NHERF4: variants seen among roughly 807,000 people sequenced by gnomAD.
NHERF4 encodes the protein NHERF family PDZ scaffold protein 4.
At chr11:119,187,964 A>C in the NHERF4 span, 18 of 1,573,264 alleles carry the variant, frequency 1.1e-5, no homozygotes, top group Non-Finnish European at 1.6e-5. Flanking sequence ...ACAGCAGGTG[A>C]CCTTGCTGGT....
chr11:119,189,500 C>T, the NHERF4 span: 7 of 1,613,828 alleles, frequency 4.3e-6, no homozygotes, highest in African/African-American at 9.3e-5. The surrounding 1 kb of genome is among the most constrained non-coding windows in gnomAD (Gnocchi z 5.8). Flanking sequence ...TAGAGCACCC[C>T]TGCTTGGTAC....
At chr11:119,187,408 C>T in the NHERF4 span, 1 of 1,613,988 alleles carries the variant, frequency 6.2e-7, no homozygotes, top group East Asian at 2.2e-5. Flanking sequence ...CCGGCCCCGG[C>T]TGTGCCACAT....
chr11:119,189,588 C>A, the NHERF4 span: 1 of 1,356,574 alleles, frequency 7.4e-7, no homozygotes, highest in Non-Finnish European at 1.1e-6. The surrounding 1 kb of genome is among the most constrained non-coding windows in gnomAD (Gnocchi z 5.8). Context: ...TAAGCCAGAC[C>A]AGAGGGACTC....
chr11:119,187,418 TAGTG>T, the NHERF4 span: 1 of 1,613,836 alleles, frequency 6.2e-7, no homozygotes, highest in Non-Finnish European at 8.5e-7. Flanking sequence ...CTGTGCCACA[TAGTG>T]AAAGATGAGG....
the NHERF4 span, chr11:119,188,153 G>C: frequency 6.5e-7 from 1 of 1,531,264 alleles, no homozygotes; most frequent in East Asian, 2.5e-5. Flanking sequence ...TGGTGAGTGG[G>C]AGCCCTGGGG....
the NHERF4 span, chr11:119,185,927 C>A: frequency 6.2e-7 from 1 of 1,614,136 alleles, no homozygotes; most frequent in Non-Finnish European, 8.5e-7. Flanking sequence ...CCCAGTAGAT[C>A]TGCAGGACAC....
the NHERF4 span, chr11:119,188,204 T>C: frequency 6.6e-7 from 1 of 1,522,622 alleles, no homozygotes; most frequent in Non-Finnish European, 8.8e-7. Context: ...CACACAAGCG[T>C]ATATACACCT....
the NHERF4 span, chr11:119,187,820 C>A: frequency 6.9e-7 from 1 of 1,459,826 alleles, no homozygotes; most frequent in African/African-American, 1.4e-5. Context: ...TATCACCATC[C>A]TCCCCCTCTA....
At chr11:119,188,968 C>G in the NHERF4 span, 1 of 1,613,604 alleles carries the variant, frequency 6.2e-7, no homozygotes, top group South Asian at 1.1e-5. Context: ...AAACTTTCCC[C>G]CGGTGTCCCC....
the NHERF4 span, chr11:119,188,154 A>G: frequency 6.5e-7 from 1 of 1,529,276 alleles, no homozygotes; most frequent in Non-Finnish European, 8.8e-7. Flanking sequence ...GGTGAGTGGG[A>G]GCCCTGGGGG....
the NHERF4 span, chr11:119,185,558 G>A: frequency 1.3e-6 from 2 of 1,577,558 alleles, no homozygotes; most frequent in Non-Finnish European, 1.7e-6. Flanking sequence ...GGACAGGCAG[G>A]GGGCCGACTT....
the NHERF4 span, chr11:119,189,264 A>G: frequency 6.4e-7 from 1 of 1,551,734 alleles, no homozygotes; most frequent in Non-Finnish European, 8.7e-7. This position sits in a 1 kb window ranked among gnomAD's most constrained non-coding sequence, Gnocchi z 5.8. Context: ...GAGGAGTGAG[A>G]AAGAAGGGCA....
chr11:119,189,510 C>T, the NHERF4 span: 4 of 1,613,300 alleles, frequency 2.5e-6, no homozygotes, highest in Non-Finnish European at 3.4e-6. The surrounding 1 kb of genome is among the most constrained non-coding windows in gnomAD (Gnocchi z 5.8). Context: ...CTGCTTGGTA[C>T]AGACATACTC....
At chr11:119,188,614 G>C in the NHERF4 span, 1 of 1,613,146 alleles carries the variant, frequency 6.2e-7, no homozygotes, top group East Asian at 2.2e-5. Flanking sequence ...AGGTCCGAAA[G>C]ATTTGCTCTC....
chr11:119,189,192 C>T, the NHERF4 span: 3 of 1,609,418 alleles, frequency 1.9e-6, no homozygotes, highest in East Asian at 6.7e-5. This position sits in a 1 kb window ranked among gnomAD's most constrained non-coding sequence, Gnocchi z 5.8. Flanking sequence ...TGGATTCCCC[C>T]TGGGGCTGCA....
chr11:119,189,346 CAGA>C, the NHERF4 span: 3 of 1,494,378 alleles, frequency 2.0e-6, no homozygotes, highest in African/African-American at 1.4e-5. This position sits in a 1 kb window ranked among gnomAD's most constrained non-coding sequence, Gnocchi z 5.8. Flanking sequence ...TAGGTGGGGA[CAGA>C]AGGACTCGTG....
At chr11:119,186,345 C>A in the NHERF4 span, 1 of 1,552,828 alleles carries the variant, frequency 6.4e-7, no homozygotes. The surrounding 1 kb of genome is among the most constrained non-coding windows in gnomAD (Gnocchi z 4.4). Flanking sequence ...CCACGAACCC[C>A]ACCACCCAAC....
chr11:119,187,418 T>C, the NHERF4 span: 106 of 1,613,720 alleles, frequency 6.6e-5, no homozygotes, highest in Non-Finnish European at 8.4e-5. Flanking sequence ...CTGTGCCACA[T>C]AGTGAAAGAT....
At chr11:119,188,238 C>T in the NHERF4 span, 1 of 1,559,848 alleles carries the variant, frequency 6.4e-7, no homozygotes, top group Admixed American at 1.8e-5. Flanking sequence ...AGAGGTGTCC[C>T]TGTCTGAGCT....
Sources: allele counts gnomAD v4.1 joint callset, GRCh38; gene constraint gnomAD v4.1.1; non-coding constraint Gnocchi (gnomAD v3.1); transcripts MANE v1.5; gene names NCBI Gene and HGNC (gene_info 2026-07-23, HGNC 2026-07-21).